The following PDSS2 variants were observed in gnomAD, a reference collection of about 807,000 sequenced individuals.
PDSS2 encodes the protein all trans-polyprenyl-diphosphate synthase PDSS2.
In PDSS2, 31 loss-of-function variants were observed where a neutral mutation model predicts 44.5. That is an observed-to-expected ratio of 0.70 (90% CI 0.52 to 0.94). The LOEUF (loss-of-function observed/expected upper bound fraction) is 0.94. Among genes scored for constraint, PDSS2 ranks in the 40% least tolerant of loss-of-function variants. PDSS2 has a pLI of 0.00. For synonymous variants in PDSS2, 157 were observed against 180.3 expected, an observed-to-expected ratio of 0.87 and a Z score of 1.03; for missense variants, 452 against 482.2, an observed-to-expected ratio of 0.94 and a Z score of 0.59.
intron 1 of PDSS2, among the ~76,000 whole-genome samples, chr6:107,350,820 A>G (rs1302962493): frequency 6.6e-6 from 1 of 152,152 alleles, no homozygotes; most frequent in Non-Finnish European, 1.5e-5. Flanking sequence ...CAAAAAAAAA[A>G]GTAAACAAAC....
intron 3 of PDSS2, among the ~76,000 whole-genome samples, chr6:107,269,242 C>G (rs370197615): frequency 3.9e-5 from 6 of 151,910 alleles, no homozygotes; most frequent in African/African-American, 1.5e-4. Flanking sequence ...TTTTATAAGA[C>G]AAAACTTGTC....
intron 1 of PDSS2, among the ~76,000 whole-genome samples, chr6:107,349,223 G>A (rs1445455360): frequency 6.6e-6 from 1 of 152,074 alleles, no homozygotes; most frequent in Non-Finnish European, 1.5e-5. Context: ...ACGAGGTCAG[G>A]AGATCGAGAC....
chr6:107,236,467 C>CAA (rs373182358), intron 4 of PDSS2, among the ~76,000 whole-genome samples: 29 of 98,604 alleles, frequency 2.9e-4, no homozygotes, highest in Admixed American at 5.6e-4. Context: ...GACTCTGTCT[C>CAA]AAAAAAAAAA....
At chr6:107,446,296 C>T (rs774708893) in intron 1 of PDSS2, among the ~76,000 whole-genome samples, 14 of 151,114 alleles carry the variant, frequency 9.3e-5, no homozygotes, top group South Asian at 2.1e-4. Context: ...AGCCTGGCAA[C>T]GAAGCAAGAC....
rs568789808 is a variant in PDSS2 at position 107,262,883 on chromosome 6, TG to T, written c.630+11145del. ...TGAGCCCAGGAGTTCAACACTGGCCTGGGCTAGATAGTCCGGCCTGGGCAAG... is the reference window on the plus strand; with the variant it reads ...TGAGCCCAGGAGTTCAACACTGGCCTGGCTAGATAGTCCGGCCTGGGCAAG... On this transcript the variant is annotated intron_variant, in intron 3 of 7. Coordinates refer to ENST00000369037, the MANE Select transcript of PDSS2 (RefSeq NM_020381.4). Among the ~76,000 whole-genome samples, 81 of 152,188 alleles carry T rather than the reference TG, an allele frequency of 5.3e-4. No individual in the cohort carries two copies. In the South Asian group the frequency reaches 0.016, roughly 31 times the overall value.
rs143568089 is a variant in PDSS2 at position 107,345,685 on chromosome 6, T to C, written c.297-11353A>G. Among the ~76,000 whole-genome samples, 22 of 152,242 alleles carry C rather than the reference T, an allele frequency of 1.4e-4. No homozygotes were observed. The East Asian group carries it at 4.2e-3, about 29-fold the overall frequency. ...GGGAAGAGCAAAGTGAAATACATCA[T>C]AGATTTTTAGTAGGAAAAATATGTT... is the stretch of plus-strand genomic sequence containing the variant. On this transcript the variant is annotated intron_variant, in intron 1 of 7. Transcript: ENST00000369037.
At chr6:107,305,889 T>C (rs1776844104) in intron 2 of PDSS2, among the ~76,000 whole-genome samples, 1 of 152,210 alleles carries the variant, frequency 6.6e-6, no homozygotes, top group Non-Finnish European at 1.5e-5. Context: ...CTTAACATTA[T>C]ATTTAGACCT....
intron 1 of PDSS2, among the ~76,000 whole-genome samples, chr6:107,369,484 A>G (rs182357361): frequency 1.0e-3 from 153 of 152,256 alleles, no homozygotes; most frequent in African/African-American, 3.5e-3. Context: ...ATCTCACATC[A>G]TATAAAAAAT....
At chr6:107,408,145 A>G (rs1397488198) in intron 1 of PDSS2, among the ~76,000 whole-genome samples, 1 of 151,946 alleles carries the variant, frequency 6.6e-6, no homozygotes, top group Non-Finnish European at 1.5e-5. Flanking sequence ...CTCCTGCCTC[A>G]GCCTCTCAAG....
At chr6:107,240,650 C>T (rs377464525) in intron 4 of PDSS2, among the ~76,000 whole-genome samples, 13 of 151,506 alleles carry the variant, frequency 8.6e-5, no homozygotes, top group African/African-American at 3.1e-4. Context: ...AGCCTGCCTC[C>T]ACCTCCCAAA....
chr6:107,364,289 T>C lies in PDSS2; in HGVS notation c.297-29957A>G, dbSNP rs868173777. ...GTCGATGGGACTGGGCGCCGTGGAG[T>C]AGGGAGTGGTGCTGGTCGGGGAGGT... On this transcript the variant is annotated intron_variant, in intron 1 of 7. Coordinates refer to ENST00000369037, the MANE Select transcript of PDSS2 (RefSeq NM_020381.4). 2.9e-3 allele frequency among the ~76,000 whole-genome samples: 442 copies of C among 151,238 alleles called. 3 individuals carry two copies. Among genetic ancestry groups the C allele is most frequent in the African/African-American group, 9.2e-3 (378 of 41,284 alleles).
intron 2 of PDSS2, among the ~76,000 whole-genome samples, chr6:107,301,067 T>G (rs1776678156): frequency 6.6e-6 from 1 of 152,218 alleles, no homozygotes. Context: ...TTCATCCGAG[T>G]GAACACACAT....
At chr6:107,235,621 C>T (rs1265619633) in intron 4 of PDSS2, among the ~76,000 whole-genome samples, 1 of 151,982 alleles carries the variant, frequency 6.6e-6, no homozygotes, top group African/African-American at 2.4e-5. Flanking sequence ...TATCTAGCAT[C>T]CAACAAAATA....
intron 6 of PDSS2, among the ~76,000 whole-genome samples, chr6:107,203,155 A>G (rs1466599805): frequency 6.6e-6 from 1 of 152,162 alleles, no homozygotes; most frequent in African/African-American, 2.4e-5. Context: ...ACGGCCATCA[A>G]CCTTGATGGA....
chr6:107,275,496 G>C (rs1395563458), intron 2 of PDSS2, among the ~76,000 whole-genome samples: 1 of 151,974 alleles, frequency 6.6e-6, no homozygotes, highest in African/African-American at 2.4e-5. Context: ...TTGGCCAATA[G>C]GACATCAACA....
At chr6:107,344,135 T>A (rs1249122942) in intron 1 of PDSS2, among the ~76,000 whole-genome samples, 1 of 152,210 alleles carries the variant, frequency 6.6e-6, no homozygotes, top group Non-Finnish European at 1.5e-5. Flanking sequence ...TCACTTTTAA[T>A]TTCTCTGAGA....
At chr6:107,435,745 A>T (rs1411892849) in intron 1 of PDSS2, among the ~76,000 whole-genome samples, 1 of 152,338 alleles carries the variant, frequency 6.6e-6, no homozygotes, top group Non-Finnish European at 1.5e-5. Flanking sequence ...CTGTTTCAAA[A>T]ATTCAAAACA....
chr6:107,418,537 C>G (rs988967962), intron 1 of PDSS2, among the ~76,000 whole-genome samples: 2 of 151,994 alleles, frequency 1.3e-5, no homozygotes, highest in African/African-American at 4.8e-5. Context: ...TTTGGGAGGC[C>G]AAGGCAGGTG....
At chr6:107,441,978 A>G (rs2114808455) in intron 1 of PDSS2, among the ~76,000 whole-genome samples, 1 of 152,288 alleles carries the variant, frequency 6.6e-6, no homozygotes, top group Non-Finnish European at 1.5e-5. Flanking sequence ...CAAGGATAAA[A>G]GGCAGCCTGA....
Sources: allele counts gnomAD v4.1 joint callset (sites outside exome capture counted in the v4.1 genomes callset), GRCh38; gene constraint gnomAD v4.1.1; transcripts MANE v1.5; gene names NCBI Gene and HGNC (gene_info 2026-07-23, HGNC 2026-07-21).